The following PRKAG2 variants were observed in gnomAD, a reference collection of about 807,000 sequenced individuals.
The protein encoded by PRKAG2 is 5'-AMP-activated protein kinase subunit gamma-2.
A neutral mutation model predicts 69.6 loss-of-function variants in PRKAG2; 26 were observed. The ratio of observed to expected loss-of-function variants is 0.37; its 90% CI spans 0.27 to 0.52. PRKAG2 has a LOEUF of 0.52. Ranked by LOEUF, PRKAG2 falls within the 20% of genes least tolerant of loss-of-function variation. The pLI, the probability that PRKAG2 is intolerant of heterozygous loss-of-function variation, is 0.90. For missense variants in PRKAG2, 557 were observed against 740.0 expected (o/e 0.75, Z 2.87); for synonymous variants, 293 against 285.0 (o/e 1.03, Z -0.28).
chr7:151,691,883 C>T (rs772543766), intron 3 of PRKAG2, among the ~76,000 whole-genome samples: 42 of 152,254 alleles, frequency 2.8e-4, no homozygotes, highest in Middle Eastern at 3.4e-3. Context: ...CATAGTTGCC[C>T]CAAACTGGAG....
chr7:151,576,294 G>A lies in PRKAG2; in HGVS notation c.946+77C>T, dbSNP rs144467897. On this transcript the variant is annotated intron_variant, in intron 7 of 15. Coordinates refer to ENST00000287878, the MANE Select transcript of PRKAG2 (RefSeq NM_016203.4). ...TGTTTACTAGGTTGAATTCCAAACC[G>A]GCATCTATTAAAATACTTTAGGCTT... is the stretch of plus-strand genomic sequence containing the variant. 3.5e-4 allele frequency: 443 copies of A among 1,269,824 alleles called. 1 individual carries two copies. The African/African-American group carries it at 5.7e-3, about 16-fold the overall frequency. 78.7% of individuals were successfully genotyped at this position (1,269,824 alleles called of 1,614,324 possible).
chr7:151,636,143 G>A (rs556476364), intron 4 of PRKAG2, among the ~76,000 whole-genome samples: 7 of 151,922 alleles, frequency 4.6e-5, no homozygotes, highest in East Asian at 3.9e-4. Flanking sequence ...GAGCCACCGC[G>A]CCCAGCCAAA....
At chr7:151,728,951 GAC>G (rs2151671599) in intron 3 of PRKAG2, among the ~76,000 whole-genome samples, 1 of 152,234 alleles carries the variant, frequency 6.6e-6, no homozygotes, top group East Asian at 1.9e-4. Flanking sequence ...GACATCCAAG[GAC>G]ACGCACCAGA....
Position 151,632,391 on chromosome 7 carries a change from C to A in PRKAG2, c.685-253G>T, listed in dbSNP as rs550667919. On this transcript the variant is annotated intron_variant, in intron 4 of 15. Coordinates refer to ENST00000287878, the MANE Select transcript of PRKAG2 (RefSeq NM_016203.4). The surrounding 1 kb of genome is among the most constrained non-coding windows in gnomAD (Gnocchi z 4.2). ...CCTCCGCGAGTGGGACGCGCCGCTC[C>A]CCCCCGCGCCTTGGTACGGCCCGCC... The A allele has an allele frequency of 1.5e-5, 7 of 465,966 alleles. No homozygotes were observed. Among genetic ancestry groups the A allele is most frequent in the African/African-American group, 1.3e-4 (6 of 46,762 alleles). 28.9% of individuals were successfully genotyped at this position (465,966 alleles called of 1,614,324 possible).
At chr7:151,858,061 C>T (rs1340743186) in intron 1 of PRKAG2, among the ~76,000 whole-genome samples, 1 of 152,236 alleles carries the variant, frequency 6.6e-6, no homozygotes, top group East Asian at 1.9e-4. Flanking sequence ...CTTATGGGGA[C>T]AGCCCAGGCT....
intron 3 of PRKAG2, among the ~76,000 whole-genome samples, chr7:151,716,866 A>T (rs544563345): frequency 6.6e-6 from 1 of 152,326 alleles, no homozygotes; most frequent in African/African-American, 2.4e-5. Flanking sequence ...CCGCACCTTC[A>T]GCTTCCAGAG....
chr7:151,748,733 G>A (rs1358555835), intron 3 of PRKAG2, among the ~76,000 whole-genome samples: 1 of 152,118 alleles, frequency 6.6e-6, no homozygotes, highest in East Asian at 1.9e-4. Context: ...AATCAGCAAG[G>A]TACATTCTCA....
At chr7:151,688,049 C>CCCCCCCCCCCG (rs976066654) in intron 3 of PRKAG2, among the ~76,000 whole-genome samples, 1 of 144,402 alleles carries the variant, frequency 6.9e-6, no homozygotes, top group Admixed American at 6.8e-5. Flanking sequence ...GAGGCCCCCC[C>CCCCCCCCCCCG]CCGGGCTCCT....
intron 1 of PRKAG2, among the ~76,000 whole-genome samples, chr7:151,801,077 C>A (rs2077811946): frequency 6.6e-6 from 1 of 152,160 alleles, no homozygotes; most frequent in Non-Finnish European, 1.5e-5. Context: ...ATTTCATCTG[C>A]CAAACAACTG....
chr7:151,636,694 T>C (rs1825787414), intron 4 of PRKAG2, among the ~76,000 whole-genome samples: 1 of 149,712 alleles, frequency 6.7e-6, no homozygotes, highest in Admixed American at 6.7e-5. Flanking sequence ...ACCCTATGTT[T>C]AATATATATA....
rs571166428 is a variant in PRKAG2 at position 151,829,878 on chromosome 7, G to A, written c.115-43337C>T. ...AGGAGAGTCCTGGAGGGGGACGGTG[G>A]CCCCGTGTACAGCCTGCGCAGCTGC... is the stretch of plus-strand genomic sequence containing the variant. On this transcript the variant is annotated intron_variant, in intron 1 of 15. Transcript: ENST00000287878. Among the ~76,000 whole-genome samples the A allele has an allele frequency of 9.9e-5, 15 of 152,032 alleles. No individual in the cohort carries two copies. In the South Asian group the frequency reaches 2.9e-3, roughly 29 times the overall value.
At chr7:151,868,011 G>A (rs1051395888) in intron 1 of PRKAG2, among the ~76,000 whole-genome samples, 6 of 152,164 alleles carry the variant, frequency 3.9e-5, no homozygotes, top group African/African-American at 9.7e-5. Context: ...TGGAAAAGAC[G>A]CTGGGAGCCT....
At chr7:151,641,129 T>C (rs1353864531) in intron 4 of PRKAG2, among the ~76,000 whole-genome samples, 1 of 152,174 alleles carries the variant, frequency 6.6e-6, no homozygotes, top group East Asian at 1.9e-4. Context: ...ATAGATTCTA[T>C]CTGAGGACCA....
At chr7:151,571,098 GT>G (rs1410719130) in intron 9 of PRKAG2, among the ~76,000 whole-genome samples, 12 of 147,014 alleles carry the variant, frequency 8.2e-5, no homozygotes, top group African/African-American at 3.0e-4. Context: ...TTGAGAAGGA[GT>G]TTTGCTCTGT....
chr7:151,663,850 G>T (rs934886064), intron 4 of PRKAG2, among the ~76,000 whole-genome samples: 2 of 152,332 alleles, frequency 1.3e-5, no homozygotes, highest in African/African-American at 4.8e-5. Context: ...CAACTGGCTA[G>T]CAGTATAAAG....
chr7:151,787,346 C>T (rs1045427039), intron 1 of PRKAG2, among the ~76,000 whole-genome samples: 4 of 152,138 alleles, frequency 2.6e-5, no homozygotes, highest in African/African-American at 9.7e-5. Context: ...AACCAAAACG[C>T]TGTTCCCATC....
chr7:151,691,890 G>T (rs1325617093), intron 3 of PRKAG2, among the ~76,000 whole-genome samples: 1 of 152,174 alleles, frequency 6.6e-6, no homozygotes, highest in Non-Finnish European at 1.5e-5. Context: ...GCCCCAAACT[G>T]GAGACAATTC....
intron 3 of PRKAG2, among the ~76,000 whole-genome samples, chr7:151,757,828 C>A (rs1487166196): frequency 6.6e-6 from 1 of 152,190 alleles, no homozygotes; most frequent in African/African-American, 2.4e-5. Context: ...ACAATAGAAT[C>A]GAAAATAAAG....
chr7:151,828,966 G>A lies in PRKAG2; in HGVS notation c.115-42425C>T, dbSNP rs914138462. 4.6e-5 allele frequency among the ~76,000 whole-genome samples: 7 copies of A among 152,060 alleles called. No homozygotes were observed. The highest frequency in any genetic ancestry group is 1.9e-4 in the East Asian group (1 of 5,190). On this transcript the variant is annotated intron_variant, in intron 1 of 15. Transcript: ENST00000287878. The surrounding 1 kb of genome is among the most constrained non-coding windows in gnomAD (Gnocchi z 4.6). The stretch of plus-strand genomic sequence containing the variant: ...CTGCTTATACTTGTGTTTATTTGAC[G>A]TGTTCTCAATGTGTTAGAAGGCTTC...
Sources: allele counts gnomAD v4.1 joint callset (sites outside exome capture counted in the v4.1 genomes callset), GRCh38; gene constraint gnomAD v4.1.1; non-coding constraint Gnocchi (gnomAD v3.1); transcripts MANE v1.5; gene names NCBI Gene and HGNC (gene_info 2026-07-23, HGNC 2026-07-21).